Variants in BICD1 observed in about 807,000 individuals in gnomAD.
The protein encoded by BICD1 is BICD cargo adaptor 1.
In BICD1, 35 loss-of-function variants were observed where a neutral mutation model predicts 92.5. That is an observed-to-expected ratio of 0.38 (90% CI 0.29 to 0.50). The LOEUF (loss-of-function observed/expected upper bound fraction) is 0.50, where lower values mean the gene tolerates loss of function less well. Among genes scored for constraint, BICD1 ranks in the 20% least tolerant of loss-of-function variants. The probability of loss-of-function intolerance (pLI) is 0.93; values close to 1 mark genes in which losing one functional copy is unlikely to be tolerated. For missense variants in BICD1, 950 were observed against 1,189.8 expected (o/e 0.80, Z 2.97); for synonymous variants, 429 against 465.1 (o/e 0.92, Z 1.00).
At chr12:32,370,433 G>A (rs1255753254) in intron 9 of BICD1, among the ~76,000 whole-genome samples, 5 of 149,916 alleles carry the variant, frequency 3.3e-5, no homozygotes, top group South Asian at 4.3e-4. Context: ...ATTCAAACTC[G>A]TCTCAGTGGG....
intron 1 of BICD1, among the ~76,000 whole-genome samples, chr12:32,160,588 G>C (rs1943568892): frequency 6.6e-6 from 1 of 151,996 alleles, no homozygotes; most frequent in Non-Finnish European, 1.5e-5. Flanking sequence ...AGAGCTAACT[G>C]ATTCAAATTA....
rs1365709894 is a variant in BICD1 at position 32,152,092 on chromosome 12, G to A, written c.213+44548G>A. ...CTGCCTCAGACTCCTGAGTAGCTGG[G>A]ACTACAGGCACACGCTACCATGCCT... On this transcript the variant is annotated intron_variant, in intron 1 of 9. Transcript: ENST00000652176. 2.6e-5 allele frequency among the ~76,000 whole-genome samples: 4 copies of A among 152,056 alleles called. No individual in the cohort carries two copies. In the East Asian group the frequency reaches 7.7e-4, roughly 29 times the overall value.
chr12:32,239,688 A>G (rs969174470), intron 2 of BICD1, among the ~76,000 whole-genome samples: 1 of 151,482 alleles, frequency 6.6e-6, no homozygotes, highest in Non-Finnish European at 1.5e-5. Flanking sequence ...AGCTCACTGC[A>G]ACCTCTACCT....
chr12:32,152,254 A>T (rs1345040869), intron 1 of BICD1, among the ~76,000 whole-genome samples: 1 of 105,610 alleles, frequency 9.5e-6, no homozygotes, highest in African/African-American at 3.9e-5. Context: ...AGTTTTTTTT[A>T]ACTTTTTTTT....
intron 2 of BICD1, among the ~76,000 whole-genome samples, chr12:32,277,660 C>A (rs889763124): frequency 3.3e-5 from 5 of 152,162 alleles, no homozygotes; most frequent in African/African-American, 1.2e-4. Flanking sequence ...TACACACATA[C>A]CCAAAGAATA....
chr12:32,317,203 A>G (rs1458468590), intron 4 of BICD1, among the ~76,000 whole-genome samples: 2 of 152,106 alleles, frequency 1.3e-5, no homozygotes, highest in African/African-American at 4.8e-5. Context: ...ATGATTTATA[A>G]TCCTTTGGGT....
At chr12:32,295,884 C>T (rs1947854217) in intron 3 of BICD1, among the ~76,000 whole-genome samples, 1 of 152,050 alleles carries the variant, frequency 6.6e-6, no homozygotes, top group African/African-American at 2.4e-5. Flanking sequence ...AACTCCTGAG[C>T]TCAAGTGATC....
chr12:32,227,643 C>T (rs1945744796), intron 2 of BICD1: 1 of 162,350 alleles, frequency 6.2e-6, no homozygotes, highest in South Asian at 1.8e-4. Flanking sequence ...CTGGATAGAA[C>T]TCAGATGGGG....
chr12:32,346,896 C>T (rs1278920385), intron 8 of BICD1, among the ~76,000 whole-genome samples: 1 of 148,940 alleles, frequency 6.7e-6, no homozygotes, highest in Non-Finnish European at 1.5e-5. Flanking sequence ...TAACTAATGA[C>T]TGATTTTAAA....
At position 32,171,541 on chromosome 12, in the gene BICD1, T is replaced by C. The variant is rs1468772420; in HGVS notation, c.214-44706T>C. 1.3e-5 allele frequency among the ~76,000 whole-genome samples: 2 copies of C among 152,202 alleles called. 1 individual carries two copies. Among genetic ancestry groups the C allele is most frequent in the Non-Finnish European group, 2.9e-5 (2 of 68,028 alleles). ...GTGGTTCCTCAGTTGGGGCACCTTG[T>C]CTGGAGTACACAGTAAGGCTATGCC... On this transcript the variant is annotated intron_variant, in intron 1 of 9. Transcript: ENST00000652176.
chr12:32,353,199 T>C (rs1938960728), intron 8 of BICD1: 1 of 152,222 alleles, frequency 6.6e-6, no homozygotes, highest in African/African-American at 2.4e-5. Flanking sequence ...TCAAATACTT[T>C]TACATTAGGA....
At chr12:32,179,198 C>T (rs1144724) in intron 1 of BICD1, among the ~76,000 whole-genome samples, 151,586 of 151,994 alleles carry the variant, frequency 1, 75,595 homozygotes, top group Middle Eastern at 1. Flanking sequence ...TGCATTTATC[C>T]GTGTGAAGTA....
At position 32,358,943 on chromosome 12, in the gene BICD1, G is replaced by A. The variant is rs552293698; in HGVS notation, c.2765-8727G>A. ...TCTTTCTTCTACATTTCTTCTGCCC[G>A]CTCTTCCTTTTCTGTCATTGCCTAA... On this transcript the variant is annotated intron_variant, in intron 8 of 9. Coordinates refer to ENST00000652176, the MANE Select transcript of BICD1 (RefSeq NM_001714.4). 2.2e-4 allele frequency among the ~76,000 whole-genome samples: 34 copies of A among 151,856 alleles called. No homozygotes were observed. The South Asian group carries it at 3.5e-3, about 16-fold the overall frequency.
At chr12:32,172,568 T>A (rs1943976655) in intron 1 of BICD1, among the ~76,000 whole-genome samples, 1 of 152,202 alleles carries the variant, frequency 6.6e-6, no homozygotes, top group African/African-American at 2.4e-5. Flanking sequence ...TCCCACAGCT[T>A]TAAGTGTTTT....
intron 8 of BICD1, chr12:32,339,650 T>C (rs1452132489): frequency 5.1e-6 from 5 of 985,416 alleles, no homozygotes; most frequent in Non-Finnish European, 6.0e-6. Flanking sequence ...ATGTGACATA[T>C]GGCAAATAGA....
At chr12:32,302,438 A>G (rs1449271280) in intron 3 of BICD1, among the ~76,000 whole-genome samples, 2 of 152,130 alleles carry the variant, frequency 1.3e-5, no homozygotes, top group Non-Finnish European at 2.9e-5. Flanking sequence ...CAGAATGCAA[A>G]CTACAGGGAC....
chr12:32,154,338 A>T (rs1257350962), intron 1 of BICD1, among the ~76,000 whole-genome samples: 3 of 152,102 alleles, frequency 2.0e-5, no homozygotes, highest in Admixed American at 2.0e-4. Context: ...GATGATTCTG[A>T]TACGTGCTCT....
chr12:32,150,820 A>C (rs1943266393), intron 1 of BICD1, among the ~76,000 whole-genome samples: 1 of 152,166 alleles, frequency 6.6e-6, no homozygotes, highest in African/African-American at 2.4e-5. Context: ...TCTTGTTCAA[A>C]GATATTGCAG....
chr12:32,110,466 T>C (rs1277636677), intron 1 of BICD1, among the ~76,000 whole-genome samples: 1 of 152,168 alleles, frequency 6.6e-6, no homozygotes, highest in Non-Finnish European at 1.5e-5. Context: ...CATGATTCTT[T>C]GGGCAGCTGG....
Sources: allele counts gnomAD v4.1 joint callset (sites outside exome capture counted in the v4.1 genomes callset), GRCh38; gene constraint gnomAD v4.1.1; transcripts MANE v1.5; gene names NCBI Gene and HGNC (gene_info 2026-07-23, HGNC 2026-07-21).